The following ACCS variants were observed in gnomAD, a reference collection of about 807,000 sequenced individuals.
The protein encoded by ACCS is 1-aminocyclopropane-1-carboxylate synthase-like protein 1.
Under a neutral mutation model 59.8 loss-of-function variants are expected in ACCS, and 42 were observed. That is an observed-to-expected ratio of 0.70 (90% CI 0.55 to 0.91). The LOEUF (loss-of-function observed/expected upper bound fraction) is 0.91. Among genes scored for constraint, ACCS ranks in the 40% least tolerant of loss-of-function variants. The probability of loss-of-function intolerance (pLI) is 0.00; values close to 1 mark genes in which losing one functional copy is unlikely to be tolerated. For missense variants in ACCS, 602 were observed against 630.4 expected, an observed-to-expected ratio of 0.95 and a Z score of 0.48; for synonymous variants, 230 against 240.3, an observed-to-expected ratio of 0.96 and a Z score of 0.40.
rs151059930 is a variant in ACCS at position 44,067,671 on chromosome 11, G to C, written c.44G>C (p.Cys15Ser). The C allele has an allele frequency of 3.2e-4, 523 of 1,613,936 alleles. 2 individuals carry two copies. The highest frequency in any genetic ancestry group is 4.3e-4 in the Non-Finnish European group (503 of 1,179,946). The change falls in exon 2 of 15, where the codon TGT becomes TCT. Residue 15 changes from cysteine (C) to serine (S), a missense_variant. Transcript: ENST00000263776. ...AAGGACTTCAGGGCTCCCACCACCTGTCTGGGCCCCACCTGCATGCAGGAC... is the reference window on the plus strand; with the variant it reads ...AAGGACTTCAGGGCTCCCACCACCTCTCTGGGCCCCACCTGCATGCAGGAC... ...PQKDFRAPTT[C>S]LGPTCMQDLG...
At chr11:44,074,125 T>C (rs571549697) in intron 4 of ACCS, among the ~76,000 whole-genome samples, 4 of 152,266 alleles carry the variant, frequency 2.6e-5, no homozygotes, top group African/African-American at 9.6e-5. Context: ...CTTTGCCTCT[T>C]ACCAGCAAGT....
At chr11:44,072,956 C>G (rs911915872) in intron 3 of ACCS, among the ~76,000 whole-genome samples, 1 of 152,150 alleles carries the variant, frequency 6.6e-6, no homozygotes, top group Non-Finnish European at 1.5e-5. Flanking sequence ...TAACCTAGCA[C>G]TGGTCATGGA....
intron 12 of ACCS, among the ~76,000 whole-genome samples, chr11:44,082,353 C>G (rs751595050): frequency 4.6e-5 from 7 of 152,302 alleles, no homozygotes; most frequent in Non-Finnish European, 8.8e-5. Flanking sequence ...CTGCTTTATT[C>G]ATAATCACCC....
intron 2 of ACCS, among the ~76,000 whole-genome samples, chr11:44,069,241 G>A (rs1165478746): frequency 3.0e-5 from 4 of 132,186 alleles, no homozygotes; most frequent in Non-Finnish European, 6.7e-5. Flanking sequence ...TTTTTTTTTT[G>A]TGACGGAGTC....
chr11:44,071,024 TA>T (rs966596034), intron 2 of ACCS, among the ~76,000 whole-genome samples: 11 of 152,052 alleles, frequency 7.2e-5, no homozygotes, highest in Non-Finnish European at 1.3e-4. Context: ...CAGGTGGGGT[TA>T]TAGGGGGGAC....
At chr11:44,067,359 A>G (rs1952836420) in intron 1 of ACCS, 1 of 356,806 alleles carries the variant, frequency 2.8e-6, no homozygotes, top group African/African-American at 2.1e-5. Flanking sequence ...AAACTTTTGC[A>G]GAAGTAGAAC....
intron 2 of ACCS, among the ~76,000 whole-genome samples, chr11:44,069,507 G>A (rs544613806): frequency 3.1e-4 from 47 of 152,268 alleles, no homozygotes; most frequent in Non-Finnish European, 5.6e-4. Flanking sequence ...ATGAGCCACC[G>A]CGCCTGGCCA....
Position 44,075,514 on chromosome 11 carries a change from T to A in ACCS, c.490-12T>A. On this transcript the variant is annotated splice_polypyrimidine_tract_variant and intron_variant, in intron 5 of 14. Transcript: ENST00000263776. ...CTGGTTCATCTTCATCCCTTGGATA[T>A]GTCGCCCTTAGGTGGTTGTCCTGAA... is the stretch of plus-strand genomic sequence containing the variant. 6.2e-7 allele frequency: 1 copy of A among 1,613,958 alleles called. No individual in the cohort carries two copies. Among genetic ancestry groups the A allele is most frequent in the Non-Finnish European group, 8.5e-7 (1 of 1,179,806 alleles).
At chr11:44,078,634 C>G (rs1953488602) in intron 8 of ACCS, 50 bp from the exon 9 acceptor site, 1 of 1,571,114 alleles carries the variant, frequency 6.4e-7, no homozygotes, top group Admixed American at 1.7e-5. Context: ...CTGTGTGGCT[C>G]TGGCCTTGGG....
intron 2 of ACCS, 84 bp from the exon 3 acceptor site, chr11:44,071,172 C>G (rs1304435701): frequency 6.8e-7 from 1 of 1,459,910 alleles, no homozygotes; most frequent in African/African-American, 1.4e-5. Context: ...TCCCACTTTG[C>G]TTTGCTGCCT....
Position 44,079,574 on chromosome 11 carries a change from G to GT in ACCS, c.878dup (p.Phe294ValfsTer2), listed in dbSNP as rs769664667. The GT allele has an allele frequency of 1.2e-6, 2 of 1,612,334 alleles. No homozygotes were observed. The highest frequency in any genetic ancestry group is 2.2e-5 in the South Asian group (2 of 90,374). ...TGTGGATGAGGTCTACATGCTGTCC[G>GT]TGTTTGAGAAGTCTGTTGGGTACCG... On this transcript the variant is annotated frameshift_variant, in exon 10 of 15. Coordinates refer to ENST00000263776, the MANE Select transcript of ACCS (RefSeq NM_032592.4). LOFTEE classifies it high-confidence loss of function.
At chr11:44,072,158 T>A (rs1953081269) in intron 3 of ACCS, 2 of 151,520 alleles carry the variant, frequency 1.3e-5, no homozygotes, top group African/African-American at 4.9e-5. Flanking sequence ...TTTTATTTAT[T>A]TATTTATTTA....
At chr11:44,080,130 A>T (rs559731979) in intron 10 of ACCS, among the ~76,000 whole-genome samples, 2 of 152,348 alleles carry the variant, frequency 1.3e-5, no homozygotes, top group African/African-American at 4.8e-5. Flanking sequence ...CATGCCTGTA[A>T]TCCCAGCACT....
intron 4 of ACCS, 79 bp from the exon 5 acceptor site, chr11:44,074,533 G>A: frequency 2.8e-6 from 3 of 1,090,038 alleles, no homozygotes; most frequent in East Asian, 2.4e-5. Flanking sequence ...AGCTGCCTGA[G>A]GATTCACCAG....
intron 7 of ACCS, 149 bp from the exon 8 acceptor site, chr11:44,077,696 A>C (rs1953439654): frequency 6.9e-7 from 1 of 1,457,032 alleles, no homozygotes; most frequent in Non-Finnish European, 9.0e-7. Flanking sequence ...GGTGGATGGC[A>C]GTAAGAGGGA....
chr11:44,073,272 C>CT, intron 3 of ACCS, 175 bp from the exon 4 acceptor site: 1 of 674,074 alleles, frequency 1.5e-6, no homozygotes, highest in Non-Finnish European at 2.7e-6. Context: ...AGTGACCTCA[C>CT]TTTTTTGGAC....
At chr11:44,080,945 TCA>T in intron 10 of ACCS, 73 bp from the exon 11 acceptor site, 1 of 1,577,104 alleles carries the variant, frequency 6.3e-7, no homozygotes, top group Non-Finnish European at 8.7e-7. Context: ...ACCCATCTCT[TCA>T]TTTGTTCAAC....
Position 44,071,253 on chromosome 11 carries a change from C to T in ACCS, c.289-3C>T. The T allele has an allele frequency of 6.2e-7, 1 of 1,614,124 alleles. No homozygotes were observed. The highest frequency in any genetic ancestry group is 8.5e-7 in the Non-Finnish European group (1 of 1,179,990). ...ACTCTGCCTCTGTACCTCTCATCTCCAGGGCATCATTAACTTGGGCACCAG... is the reference window on the plus strand; with the variant it reads ...ACTCTGCCTCTGTACCTCTCATCTCTAGGGCATCATTAACTTGGGCACCAG... On this transcript the variant is annotated splice_polypyrimidine_tract_variant and splice_region_variant and intron_variant, in intron 2 of 14. Transcript: ENST00000263776.
chr11:44,073,644 T>C, intron 4 of ACCS, 127 bp downstream of exon 4: 2 of 902,014 alleles, frequency 2.2e-6, no homozygotes, highest in South Asian at 3.3e-5. Flanking sequence ...TCAGGGATGC[T>C]GCCTAAAGTT....
Sources: gnomAD v4.1 joint callset for allele counts (sites outside exome capture counted in the v4.1 genomes callset) on GRCh38, gnomAD v4.1.1 for gene constraint, MANE v1.5 for transcripts, NCBI Gene and HGNC (gene_info 2026-07-23, HGNC 2026-07-21) for gene names.